The following TEAD4 variants were observed in gnomAD, a reference collection of about 807,000 sequenced individuals.
TEAD4 encodes the protein transcriptional enhancer factor TEF-3.
TEAD4 carries 36 observed loss-of-function variants against 52.4 expected under a neutral mutation model. The observed-to-expected ratio is 0.69, with a 90% CI of 0.53 to 0.91. The LOEUF (loss-of-function observed/expected upper bound fraction) is 0.91. Ranked by LOEUF, TEAD4 falls within the 40% of genes least tolerant of loss-of-function variation. The probability of loss-of-function intolerance (pLI) is 0.00; values close to 1 mark genes in which losing one functional copy is unlikely to be tolerated. For missense variants in TEAD4, 508 were observed against 583.9 expected, an observed-to-expected ratio of 0.87 and a Z score of 1.34; for synonymous variants, 220 against 231.0, an observed-to-expected ratio of 0.95 and a Z score of 0.43.
At chr12:2,990,459 A>ATTTTTTTT (rs1364654221) in intron 2 of TEAD4, among the ~76,000 whole-genome samples, 7 of 60,766 alleles carry the variant, frequency 1.2e-4, no homozygotes, top group African/African-American at 5.4e-4. Context: ...AAGACAGATA[A>ATTTTTTTT]TCTTTTTTTT....
chr12:3,013,002 A>G (rs943269211), intron 5 of TEAD4, among the ~76,000 whole-genome samples: 2 of 152,212 alleles, frequency 1.3e-5, no homozygotes, highest in Non-Finnish European at 2.9e-5. Context: ...ACCCACGCTC[A>G]GTGCAGTGAC....
intron 10 of TEAD4, among the ~76,000 whole-genome samples, chr12:3,035,769 G>T (rs577222032): frequency 7.3e-4 from 108 of 147,466 alleles, no homozygotes; most frequent in African/African-American, 2.6e-3. Flanking sequence ...GCAGTGAGCC[G>T]TGATCATACC....
At chr12:2,962,491 G>A (rs2109207) in intron 2 of TEAD4, among the ~76,000 whole-genome samples, 146,606 of 151,580 alleles carry the variant, frequency 0.97, 71,038 homozygotes, top group South Asian at 1. Flanking sequence ...GTGCGCCACC[G>A]TGCCCCACTA....
chr12:2,997,049 A>G (rs892435982), intron 3 of TEAD4, among the ~76,000 whole-genome samples: 11 of 152,186 alleles, frequency 7.2e-5, no homozygotes, highest in African/African-American at 2.7e-4. Flanking sequence ...TCTGGAGGGT[A>G]GGTAGTCCAG....
In TEAD4 at chr12:3,017,343, G is replaced by A. The variant is rs769543140; in HGVS notation, c.355-55G>A. 1.2e-4 allele frequency: 188 copies of A among 1,611,790 alleles called. 2 individuals are homozygous for A. In the Middle Eastern group the frequency reaches 1.5e-3, roughly 13 times the overall value. The stretch of plus-strand genomic sequence containing the variant: ...CTGACCCGAGGGCCGGACCTGCCTG[G>A]CCTCAGCCTGACTAGTGACCCTGCT... On this transcript the variant is annotated intron_variant, in intron 5 of 12. Coordinates refer to ENST00000359864, the MANE Select transcript of TEAD4 (RefSeq NM_003213.4).
intron 2 of TEAD4, among the ~76,000 whole-genome samples, chr12:2,964,349 T>C (rs1353149038): frequency 6.6e-6 from 1 of 152,166 alleles, no homozygotes; most frequent in Non-Finnish European, 1.5e-5. Context: ...ACCTTGGCTG[T>C]GAGCCTTGGG....
chr12:3,020,811 C>T (rs2098268182), intron 9 of TEAD4, 38 bp downstream of exon 9: 2 of 1,500,208 alleles, frequency 1.3e-6, no homozygotes, highest in African/African-American at 2.8e-5. Context: ...TCCCTGGTCA[C>T]CCCCTCTCCC....
chr12:2,991,333 TA>T (rs1397647925), intron 2 of TEAD4, among the ~76,000 whole-genome samples: 35 of 152,236 alleles, frequency 2.3e-4, no homozygotes, highest in African/African-American at 8.4e-4. Context: ...TTATCTACTA[TA>T]TTGCCAGAAA....
chr12:2,988,283 C>T (rs1267576510), intron 2 of TEAD4, among the ~76,000 whole-genome samples: 2 of 151,100 alleles, frequency 1.3e-5, no homozygotes, highest in Admixed American at 6.6e-5. Context: ...GAGGCTGAGG[C>T]GGGTGGATCA....
chr12:2,996,847 T>C (rs1392804090), intron 3 of TEAD4, among the ~76,000 whole-genome samples: 16 of 152,064 alleles, frequency 1.1e-4, no homozygotes, highest in Admixed American at 1.0e-3. Context: ...TCCCGAGTAG[T>C]TGGGTCTACA....
chr12:2,970,563 G>C (rs927235397), intron 2 of TEAD4, among the ~76,000 whole-genome samples: 2 of 152,254 alleles, frequency 1.3e-5, no homozygotes, highest in Admixed American at 6.5e-5. Context: ...GGTCGATGAT[G>C]TGTGTGGAAA....
rs2098250476 is a variant in TEAD4, at chr12:3,000,075, GCCGGGCTGAGGCCGTGTGGTCT to G, written c.226+5085_226+5106del. 2.0e-5 allele frequency among the ~76,000 whole-genome samples: 3 copies of G among 152,276 alleles called. No individual in the cohort carries two copies. In the South Asian group the frequency reaches 6.2e-4, roughly 32 times the overall value. ...TAAGTGACCACCCCACACTGGGCAG[GCCGGGCTGAGGCCGTGTGGTCT>G]CTGCTCTCCACAACTTCATGGTCTA... On this transcript the variant is annotated intron_variant, in intron 3 of 12. Transcript: ENST00000359864.
intron 2 of TEAD4, among the ~76,000 whole-genome samples, chr12:2,974,614 C>G (rs1313731847): frequency 6.6e-6 from 1 of 152,190 alleles, no homozygotes; most frequent in Non-Finnish European, 1.5e-5. Flanking sequence ...CTCCTAGTGC[C>G]CCACTGCCTC....
intron 10 of TEAD4, among the ~76,000 whole-genome samples, chr12:3,035,682 T>A (rs1329894673): frequency 1.3e-5 from 2 of 151,864 alleles, no homozygotes; most frequent in Non-Finnish European, 2.9e-5. Flanking sequence ...TAGCCAGGTG[T>A]GGTGGCACAT....
At chr12:3,028,155 C>T (rs966817435) in intron 10 of TEAD4, among the ~76,000 whole-genome samples, 6 of 152,186 alleles carry the variant, frequency 3.9e-5, no homozygotes, top group African/African-American at 1.4e-4. Flanking sequence ...TGTTGTAGCA[C>T]GTACGTTCCT....
chr12:3,036,412 T>G (rs2098279476), intron 10 of TEAD4, among the ~76,000 whole-genome samples: 7 of 152,222 alleles, frequency 4.6e-5, no homozygotes, highest in Admixed American at 4.6e-4. Context: ...CTGGGAAAAC[T>G]TCTCCAAAGG....
intron 11 of TEAD4, among the ~76,000 whole-genome samples, chr12:3,038,941 G>A (rs764811166): frequency 1.6e-4 from 24 of 152,126 alleles, no homozygotes; most frequent in East Asian, 5.8e-4. Flanking sequence ...GCCCTGTGCC[G>A]CCCACACACT....
chr12:2,988,797 A>G (rs1015963233), intron 2 of TEAD4, among the ~76,000 whole-genome samples: 1 of 152,262 alleles, frequency 6.6e-6, no homozygotes, highest in Non-Finnish European at 1.5e-5. Context: ...TGCCTATGTA[A>G]TGAAGCCACC....
At chr12:3,015,185 A>G (rs2153956937) in intron 5 of TEAD4, among the ~76,000 whole-genome samples, 1 of 152,196 alleles carries the variant, frequency 6.6e-6, no homozygotes. Context: ...ATGACCCACT[A>G]CTCGGAACAG....
Sources: allele counts gnomAD v4.1 joint callset (sites outside exome capture counted in the v4.1 genomes callset), GRCh38; gene constraint gnomAD v4.1.1; transcripts MANE v1.5; gene names NCBI Gene and HGNC (gene_info 2026-07-23, HGNC 2026-07-21).